GPC5: variants seen among roughly 807,000 people sequenced by gnomAD.
GPC5 encodes glypican-5.
Under a neutral mutation model 53.9 loss-of-function variants are expected in GPC5, and 47 were observed. That is an observed-to-expected ratio of 0.87 (90% CI 0.69 to 1.11). GPC5 has a LOEUF of 1.11. GPC5 is among the 50% of genes most tolerant of loss of function. GPC5 has a pLI of 0.00. For missense variants in GPC5, 748 were observed against 713.1 expected (o/e 1.05, Z -0.56); for synonymous variants, 286 against 263.3 (o/e 1.09, Z -0.84).
At chr13:92,761,314 T>C (rs1875166860) in intron 7 of GPC5, among the ~76,000 whole-genome samples, 1 of 152,202 alleles carries the variant, frequency 6.6e-6, no homozygotes. Context: ...CCTATAGGAA[T>C]GCCCCTCTGT....
intron 7 of GPC5, among the ~76,000 whole-genome samples, chr13:92,387,107 G>A (rs536238811): frequency 6.6e-6 from 1 of 152,040 alleles, no homozygotes; most frequent in Admixed American, 6.6e-5. Context: ...AACTTGAGAT[G>A]GTTTGACTTA....
intron 1 of GPC5, among the ~76,000 whole-genome samples, chr13:91,413,180 C>T (rs1194446050): frequency 1.1e-4 from 17 of 152,126 alleles, no homozygotes; most frequent in Admixed American, 1.1e-3. Flanking sequence ...AATCAGGTAG[C>T]TGAGGTGGGA....
At chr13:92,641,599 T>C (rs9589608) in intron 7 of GPC5, among the ~76,000 whole-genome samples, 2,395 of 152,278 alleles carry the variant, frequency 0.016, 75 homozygotes, top group African/African-American at 0.054. Flanking sequence ...TCTGGAGAGT[T>C]TTATTGCAGT....
At chr13:92,359,010 G>A (rs1594130928) in intron 7 of GPC5, among the ~76,000 whole-genome samples, 1 of 151,604 alleles carries the variant, frequency 6.6e-6, no homozygotes, top group East Asian at 1.9e-4. Flanking sequence ...TTTCTTTTCT[G>A]CCACATGGCT....
intron 6 of GPC5, among the ~76,000 whole-genome samples, chr13:92,070,373 CT>C (rs1224124106): frequency 2.0e-5 from 3 of 152,172 alleles, no homozygotes; most frequent in Non-Finnish European, 4.4e-5. Context: ...ATGCTTTCCT[CT>C]TTTTATAAAA....
At chr13:91,431,515 T>G (rs1781847124) in intron 1 of GPC5, among the ~76,000 whole-genome samples, 1 of 152,206 alleles carries the variant, frequency 6.6e-6, no homozygotes, top group African/African-American at 2.4e-5. Context: ...TTTGCTATAT[T>G]TTGTCTCCAC....
intron 5 of GPC5, among the ~76,000 whole-genome samples, chr13:91,834,381 A>G (rs141162207): frequency 1.4e-3 from 218 of 152,298 alleles, no homozygotes; most frequent in African/African-American, 5.1e-3. Flanking sequence ...TCTTCACAGA[A>G]TTGGAAAAAA....
Position 91,547,452 on chromosome 13 carries a change from G to T in GPC5, c.325+98530G>T, listed in dbSNP as rs117093913. On this transcript the variant is annotated intron_variant, in intron 2 of 7. Transcript: ENST00000377067. Reference sequence around the variant, plus strand: ...AAGACACATGATATTTATATGAAAAGAAGTAGACAACCTGAATATGCCTAT... The same window carrying T: ...AAGACACATGATATTTATATGAAAATAAGTAGACAACCTGAATATGCCTAT... 1.7e-3 allele frequency among the ~76,000 whole-genome samples: 254 copies of T among 152,140 alleles called. 1 individual carries two copies. The highest frequency in any genetic ancestry group is 3.4e-3 in the Middle Eastern group (1 of 294).
chr13:92,633,003 G>A (rs1885303110), intron 7 of GPC5, among the ~76,000 whole-genome samples: 1 of 152,118 alleles, frequency 6.6e-6, no homozygotes, highest in Non-Finnish European at 1.5e-5. Context: ...CGGTTCTCCT[G>A]CCTCAGCCTC....
At chr13:91,496,150 A>T (rs13379018) in intron 2 of GPC5, among the ~76,000 whole-genome samples, 1 of 152,142 alleles carries the variant, frequency 6.6e-6, no homozygotes, top group Non-Finnish European at 1.5e-5. Context: ...CAATTGCATT[A>T]TGCAAAGGAA....
chr13:92,822,927 TGAAGG>T (rs903736660), intron 7 of GPC5, among the ~76,000 whole-genome samples: 1 of 151,856 alleles, frequency 6.6e-6, no homozygotes, highest in African/African-American at 2.4e-5. Context: ...AAGCATTACT[TGAAGG>T]GAAGTTGGAT....
At chr13:92,116,275 A>AACAAAC in intron 6 of GPC5, among the ~76,000 whole-genome samples, 2 of 149,644 alleles carry the variant, frequency 1.3e-5, no homozygotes, top group Admixed American at 1.3e-4. Context: ...ACAAACAAAA[A>AACAAAC]AAAAAAAACA....
At chr13:91,659,467 A>G (rs1428152414) in intron 2 of GPC5, among the ~76,000 whole-genome samples, 2 of 152,350 alleles carry the variant, frequency 1.3e-5, no homozygotes, top group Non-Finnish European at 2.9e-5. Context: ...ATGGTCACAT[A>G]GCACAGCTCT....
chr13:91,825,309 A>C (rs2038560039), intron 5 of GPC5, among the ~76,000 whole-genome samples: 2 of 152,106 alleles, frequency 1.3e-5, no homozygotes, highest in South Asian at 4.1e-4. Flanking sequence ...AAACTGGATA[A>C]ATATGCTTAT....
At chr13:92,843,497 A>G (rs144650835) in intron 7 of GPC5, among the ~76,000 whole-genome samples, 4 of 152,286 alleles carry the variant, frequency 2.6e-5, no homozygotes, top group East Asian at 1.9e-4. Context: ...AAAGAAAAAG[A>G]TATTTCCAAA....
intron 7 of GPC5, among the ~76,000 whole-genome samples, chr13:92,396,094 T>C (rs903508048): frequency 1.1e-4 from 16 of 152,172 alleles, no homozygotes; most frequent in African/African-American, 3.9e-4. Flanking sequence ...ATACATGTTA[T>C]ACTATCTGAA....
intron 7 of GPC5, among the ~76,000 whole-genome samples, chr13:92,258,868 A>T (rs1208616066): frequency 6.6e-6 from 1 of 152,178 alleles, no homozygotes; most frequent in Non-Finnish European, 1.5e-5. Context: ...GCTGAAAGCC[A>T]GGGGTTGAAG....
At chr13:92,428,786 A>G (rs535768892) in intron 7 of GPC5, among the ~76,000 whole-genome samples, 1 of 152,238 alleles carries the variant, frequency 6.6e-6, no homozygotes, top group Non-Finnish European at 1.5e-5. Context: ...AGAGCCAACC[A>G]TTACTAATCA....
At chr13:92,710,005 G>A (rs1379429322) in intron 7 of GPC5, among the ~76,000 whole-genome samples, 1 of 152,128 alleles carries the variant, frequency 6.6e-6, no homozygotes, top group Admixed American at 6.6e-5. Context: ...AACAATGCTA[G>A]GTCTTTCTGG....
Sources: gnomAD v4.1 joint callset for allele counts (sites outside exome capture counted in the v4.1 genomes callset) on GRCh38, gnomAD v4.1.1 for gene constraint, MANE v1.5 for transcripts, NCBI Gene and HGNC (gene_info 2026-07-23, HGNC 2026-07-21) for gene names.